The following NLRC5 variants were observed in gnomAD, a reference collection of about 807,000 sequenced individuals.
NLRC5 encodes NLR family CARD domain containing 5.
NLRC5 carries 114 observed loss-of-function variants against 206.9 expected under a neutral mutation model. That is an observed-to-expected ratio of 0.55 (90% CI 0.47 to 0.64). The LOEUF (loss-of-function observed/expected upper bound fraction) is 0.64, where lower values mean the gene tolerates loss of function less well. Among genes scored for constraint, NLRC5 ranks in the 30% least tolerant of loss-of-function variants. The pLI, the probability that NLRC5 is intolerant of heterozygous loss-of-function variation, is 0.00. For missense variants in NLRC5, 2,008 were observed against 2,305.5 expected (o/e 0.87, Z 2.64); for synonymous variants, 952 against 962.8 (o/e 0.99, Z 0.21).
intron 46 of NLRC5, among the ~76,000 whole-genome samples, chr16:57,080,234 G>T (rs1024769708): frequency 1.3e-5 from 2 of 152,092 alleles, no homozygotes; most frequent in Non-Finnish European, 2.9e-5. Context: ...CATCCTAAAG[G>T]TCTTAACCCT....
Position 57,061,813 on chromosome 16 carries a change from C to CAACCCTGCCATCTGGACCCTGAGCA in NLRC5, c.4154+120_4154+144dup, listed in dbSNP as rs770554964. The CAACCCTGCCATCTGGACCCTGAGCA allele has an allele frequency of 3.9e-4, 601 of 1,538,718 alleles. 2 individuals are homozygous for CAACCCTGCCATCTGGACCCTGAGCA. The highest frequency in any genetic ancestry group is 8.6e-4 in the South Asian group (73 of 84,480). ...TGGCCCCAGTCATTTCCTGTACCCACAACCCTGCCATCTGGACCCTGAGCA... is the reference window on the plus strand; with the variant it reads ...TGGCCCCAGTCATTTCCTGTACCCACAACCCTGCCATCTGGACCCTGAGCAAACCCTGCCATCTGGACCCTGAGCA... On this transcript the variant is annotated intron_variant, in intron 32 of 48. Transcript: ENST00000688547.
chr16:57,005,335 A>G (rs1020226665), intron 1 of NLRC5, among the ~76,000 whole-genome samples: 2 of 152,104 alleles, frequency 1.3e-5, no homozygotes, highest in African/African-American at 4.8e-5. Flanking sequence ...TGTCTTTCTC[A>G]TTCTTTGATG....
intron 4 of NLRC5, among the ~76,000 whole-genome samples, chr16:57,022,771 T>TTAAATAATGACCACC (rs2060818804): frequency 6.6e-6 from 1 of 152,240 alleles, no homozygotes; most frequent in Non-Finnish European, 1.5e-5. Context: ...GGGCCAGTGA[T>TTAAATAATGACCACC]TAAATAATGA....
intron 1 of NLRC5, among the ~76,000 whole-genome samples, chr16:57,002,032 C>T (rs2142320902): frequency 6.6e-6 from 1 of 152,348 alleles, no homozygotes; most frequent in East Asian, 1.9e-4. Flanking sequence ...GCTTATTTCA[C>T]TTAACATAAT....
At chr16:57,081,706 C>A in intron 48 of NLRC5, 96 bp downstream of exon 48, 1 of 1,071,092 alleles carries the variant, frequency 9.3e-7, no homozygotes, top group Non-Finnish European at 1.4e-6. Context: ...AGGGCCTGGG[C>A]TGGGGATTAT....
Position 57,059,510 on chromosome 16 carries a change from G to T in NLRC5, c.3964G>T (p.Asp1322Tyr). 6.2e-7 allele frequency: 1 copy of T among 1,612,154 alleles called. No homozygotes were observed. ...QSFRIHFSRE[D>Y]QAGKTLRLSE... ...CTTCCGGATTCACTTCTCCAGAGAG[G>T]ACCAGGCTGGGAAGACACTCAGGTA... Residue 1322 changes from aspartate to tyrosine, a missense_variant, in exon 30 of 49, where the codon GAC becomes TAC. Transcript: ENST00000688547.
At chr16:57,065,413 AT>A in intron 33 of NLRC5, 115 bp downstream of exon 33, 1 of 651,458 alleles carries the variant, frequency 1.5e-6, no homozygotes. Flanking sequence ...CTAGTTTTCC[AT>A]GTCCCCAGGG....
chr16:56,996,484 C>A (rs957961830), intron 1 of NLRC5, among the ~76,000 whole-genome samples: 14 of 152,178 alleles, frequency 9.2e-5, no homozygotes, highest in Admixed American at 6.5e-5. Flanking sequence ...CCATGCCCCA[C>A]CCTTGAGTTT....
intron 32 of NLRC5, chr16:57,062,118 T>C (rs2066588408): frequency 1.9e-6 from 2 of 1,053,634 alleles, no homozygotes; most frequent in Non-Finnish European, 1.3e-6. Context: ...CAGTTGTTCA[T>C]ACTTTTTTTA....
chr16:57,077,461 A>G (rs1217060015), intron 41 of NLRC5, 82 bp downstream of exon 41: 3 of 1,335,654 alleles, frequency 2.2e-6, no homozygotes, highest in East Asian at 4.8e-5. Flanking sequence ...TGAGGCCAGC[A>G]TGGTAAAATC....
At chr16:57,027,229 C>T (rs1296711956) in intron 6 of NLRC5, among the ~76,000 whole-genome samples, 1 of 152,230 alleles carries the variant, frequency 6.6e-6, no homozygotes, top group African/African-American at 2.4e-5. Flanking sequence ...TCTGGACTCT[C>T]AGTCTCTCTG....
At chr16:57,036,861 T>C (rs2062648132) in intron 14 of NLRC5, among the ~76,000 whole-genome samples, 1 of 152,110 alleles carries the variant, frequency 6.6e-6, no homozygotes, top group African/African-American at 2.4e-5. Flanking sequence ...CATGAAACCA[T>C]ATATGTACAA....
At chr16:57,007,453 T>A (rs2059037578) in intron 1 of NLRC5, among the ~76,000 whole-genome samples, 1 of 152,170 alleles carries the variant, frequency 6.6e-6, no homozygotes, top group African/African-American at 2.4e-5. Flanking sequence ...CCAGGGGTGG[T>A]GGCTCATGCC....
chr16:57,061,952 A>T, intron 32 of NLRC5: 3 of 1,485,170 alleles, frequency 2.0e-6, no homozygotes, highest in Non-Finnish European at 2.7e-6. Flanking sequence ...GAAAGAAAGA[A>T]GGTTTCAGAG....
At chr16:57,029,636 G>C (rs1383057192) in intron 8 of NLRC5, 137 bp from the exon 9 acceptor site, 1 of 686,364 alleles carries the variant, frequency 1.5e-6, no homozygotes, top group African/African-American at 1.8e-5. Context: ...CTGGAATCCG[G>C]CGAGCAGGCC....
chr16:57,036,541 G>A (rs1334660136), intron 14 of NLRC5, among the ~76,000 whole-genome samples: 2 of 152,068 alleles, frequency 1.3e-5, no homozygotes, highest in Admixed American at 6.6e-5. Context: ...GGGGTGCTAG[G>A]GTAGGGAGTG....
intron 1 of NLRC5, among the ~76,000 whole-genome samples, chr16:57,015,027 C>T (rs2059901769): frequency 6.6e-6 from 1 of 151,802 alleles, no homozygotes; most frequent in Non-Finnish European, 1.5e-5. Flanking sequence ...CTCCTGGCTT[C>T]AAGTGATTCT....
chr16:57,081,686 A>T (rs192366198), intron 48 of NLRC5, 76 bp downstream of exon 48: 1 of 1,278,876 alleles, frequency 7.8e-7, no homozygotes, highest in Admixed American at 1.7e-5. Flanking sequence ...GACTCCCTGG[A>T]GGAGGCGGCA....
intron 41 of NLRC5, 83 bp from the exon 42 acceptor site, chr16:57,077,636 C>T: frequency 7.3e-7 from 1 of 1,369,180 alleles, no homozygotes; most frequent in Non-Finnish European, 1.0e-6. Context: ...CCCCCTGAAG[C>T]AGGGGTGGCA....
Sources: allele counts gnomAD v4.1 joint callset (sites outside exome capture counted in the v4.1 genomes callset), GRCh38; gene constraint gnomAD v4.1.1; transcripts MANE v1.5; gene names NCBI Gene and HGNC (gene_info 2026-07-23, HGNC 2026-07-21).